Variants in PRDM5 observed in about 807,000 individuals in gnomAD.
PRDM5 encodes the protein PR domain zinc finger protein 5.
A neutral mutation model predicts 81.2 loss-of-function variants in PRDM5; 56 were observed. The ratio of observed to expected loss-of-function variants is 0.69; its 90% CI spans 0.56 to 0.86. The LOEUF is 0.86. Among genes scored for constraint, PRDM5 ranks in the 40% least tolerant of loss-of-function variants. The probability of loss-of-function intolerance (pLI) is 0.00; values close to 1 mark genes in which losing one functional copy is unlikely to be tolerated. For missense variants in PRDM5, 697 were observed against 770.1 expected (o/e 0.91, Z 1.12); for synonymous variants, 267 against 256.4 (o/e 1.04, Z -0.39).
At chr4:120,703,097 T>C (rs570608686) in intron 15 of PRDM5, among the ~76,000 whole-genome samples, 4 of 152,308 alleles carry the variant, frequency 2.6e-5, no homozygotes, top group East Asian at 3.9e-4. Context: ...AGGTTACTTA[T>C]AGCCTCATGG....
intron 10 of PRDM5, among the ~76,000 whole-genome samples, chr4:120,785,943 C>A (rs570496114): frequency 6.6e-6 from 1 of 152,196 alleles, no homozygotes; most frequent in African/African-American, 2.4e-5. Flanking sequence ...CACTCCACCT[C>A]TTTTACATTA....
intron 13 of PRDM5, among the ~76,000 whole-genome samples, chr4:120,755,095 T>C (rs1211649573): frequency 7.2e-5 from 11 of 152,214 alleles, no homozygotes; most frequent in Admixed American, 6.5e-4. Context: ...GTTAAGGCTG[T>C]GAGTTTCAAA....
intron 1 of PRDM5, among the ~76,000 whole-genome samples, chr4:120,914,020 T>A (rs1349387977): frequency 6.6e-6 from 1 of 151,996 alleles, no homozygotes; most frequent in African/African-American, 2.4e-5. Context: ...TGAGCTCCAA[T>A]GAGTCAACCA....
chr4:120,911,492 T>C (rs1006288084), intron 1 of PRDM5, among the ~76,000 whole-genome samples: 4 of 152,216 alleles, frequency 2.6e-5, no homozygotes, highest in Admixed American at 2.6e-4. Context: ...AATTAATCCA[T>C]TCAATCTTCT....
intron 1 of PRDM5, among the ~76,000 whole-genome samples, chr4:120,686,444 A>T (rs766386748): frequency 3.9e-5 from 6 of 152,114 alleles, no homozygotes; most frequent in African/African-American, 9.7e-5. Flanking sequence ...ACTGTTCAGG[A>T]TATTTCGTGC....
intron 15 of PRDM5, among the ~76,000 whole-genome samples, chr4:120,704,616 CA>C (rs1433893690): frequency 1.3e-5 from 2 of 152,190 alleles, no homozygotes; most frequent in Non-Finnish European, 2.9e-5. Context: ...CTGCTAGGAA[CA>C]AAATGACAAA....
intron 13 of PRDM5, among the ~76,000 whole-genome samples, chr4:120,766,108 C>T (rs948735893): frequency 2.0e-5 from 3 of 152,014 alleles, no homozygotes; most frequent in Admixed American, 6.6e-5. Context: ...TGCAGGTGTG[C>T]ACCACCACGC....
At chr4:120,893,616 G>C (rs971354055) in intron 2 of PRDM5, among the ~76,000 whole-genome samples, 3 of 152,178 alleles carry the variant, frequency 2.0e-5, no homozygotes, top group Admixed American at 2.0e-4. Flanking sequence ...TGTATTGATT[G>C]AATTATCTAT....
intron 14 of PRDM5, among the ~76,000 whole-genome samples, chr4:120,747,177 C>A (rs906796431): frequency 6.7e-6 from 1 of 149,990 alleles, no homozygotes; most frequent in Non-Finnish European, 1.5e-5. Flanking sequence ...AGTAAACTAT[C>A]GCAAGAACAA....
At chr4:120,809,899 C>A (rs1386543303) in intron 8 of PRDM5, among the ~76,000 whole-genome samples, 1 of 152,144 alleles carries the variant, frequency 6.6e-6, no homozygotes, top group Non-Finnish European at 1.5e-5. Flanking sequence ...GTTATAGTTT[C>A]TGTATTCCAT....
intron 2 of PRDM5, among the ~76,000 whole-genome samples, chr4:120,854,905 G>A (rs1043878320): frequency 1.3e-5 from 2 of 151,870 alleles, no homozygotes; most frequent in Non-Finnish European, 2.9e-5. Context: ...AAAGGCCTTC[G>A]GTTTGGAAAT....
At chr4:120,858,106 C>T (rs1337512832) in intron 2 of PRDM5, among the ~76,000 whole-genome samples, 10 of 152,094 alleles carry the variant, frequency 6.6e-5, no homozygotes, top group Admixed American at 6.5e-4. Context: ...AATTACAATA[C>T]GTTATGTTAC....
At chr4:120,892,459 T>A (rs1764164142) in intron 2 of PRDM5, among the ~76,000 whole-genome samples, 1 of 152,222 alleles carries the variant, frequency 6.6e-6, no homozygotes. Flanking sequence ...TCTTTGTAGA[T>A]CTATAAGAAC....
rs528891983 is a variant in PRDM5, at chr4:120,774,226, C to T, written c.1537+2962G>A. Among the ~76,000 whole-genome samples, 6 of 152,312 alleles carry T rather than the reference C, an allele frequency of 3.9e-5. No individual in the cohort carries two copies. The South Asian group carries it at 1.2e-3, about 32-fold the overall frequency. On this transcript the variant is annotated intron_variant, in intron 13 of 15. Transcript: ENST00000264808. ...TCCTCTTCTGACTGTCCCCACCCTGCCTTCACTCATGGTCCTCGCCACTTC... is the reference window on the plus strand; with the variant it reads ...TCCTCTTCTGACTGTCCCCACCCTGTCTTCACTCATGGTCCTCGCCACTTC...
chr4:120,845,452 C>T lies in PRDM5; in HGVS notation c.300+7966G>A, dbSNP rs80172215. On this transcript the variant is annotated intron_variant, in intron 3 of 15. Transcript: ENST00000264808. ...GCCCTTAATAATTGTGCTAAATCTA[C>T]TCTGCCTATGTTTTATCGATGGAAT... 5.9e-3 allele frequency among the ~76,000 whole-genome samples: 895 copies of T among 152,282 alleles called. 6 individuals are homozygous for T. The highest frequency in any genetic ancestry group is 0.02 in the African/African-American group (847 of 41,558).
intron 10 of PRDM5, among the ~76,000 whole-genome samples, chr4:120,791,101 G>C (rs371695368): frequency 1.2e-4 from 18 of 152,286 alleles, no homozygotes; most frequent in Admixed American, 4.6e-4. Flanking sequence ...ACTGTTAAGA[G>C]AAAGTAGAGC....
chr4:120,733,979 T>C (rs1561014498), intron 14 of PRDM5, among the ~76,000 whole-genome samples: 1 of 151,546 alleles, frequency 6.6e-6, no homozygotes, highest in Non-Finnish European at 1.5e-5. Flanking sequence ...GGGAAGAATG[T>C]ATAAAAAGTG....
intron 2 of PRDM5, among the ~76,000 whole-genome samples, chr4:120,879,774 G>C (rs1284576311): frequency 6.6e-6 from 1 of 151,974 alleles, no homozygotes; most frequent in Non-Finnish European, 1.5e-5. Context: ...CCCCTCCCCT[G>C]TGTTGTTCAA....
chr4:120,748,365 C>A (rs1317687997), intron 14 of PRDM5, among the ~76,000 whole-genome samples: 1 of 152,116 alleles, frequency 6.6e-6, no homozygotes, highest in Admixed American at 6.5e-5. Flanking sequence ...TAATCTTGGC[C>A]AGGTGTGGTA....
Sources: gnomAD v4.1 joint callset for allele counts (sites outside exome capture counted in the v4.1 genomes callset) on GRCh38, gnomAD v4.1.1 for gene constraint, MANE v1.5 for transcripts, NCBI Gene and HGNC (gene_info 2026-07-23, HGNC 2026-07-21) for gene names.